The following DLG2 variants were observed in gnomAD, a reference collection of about 807,000 sequenced individuals.
The protein encoded by DLG2 is discs large MAGUK scaffold protein 2.
A neutral mutation model predicts 132.5 loss-of-function variants in DLG2; 45 were observed. The observed-to-expected ratio is 0.34, with a 90% CI of 0.27 to 0.44. The LOEUF is 0.44. Ranked by LOEUF, DLG2 falls within the 20% of genes least tolerant of loss-of-function variation. The pLI, the probability that DLG2 is intolerant of heterozygous loss-of-function variation, is 1.00. For missense variants in DLG2, 1,045 were observed against 1,196.9 expected, an observed-to-expected ratio of 0.87 and a Z score of 1.87; for synonymous variants, 424 against 419.6, an observed-to-expected ratio of 1.01 and a Z score of -0.13.
chr11:84,502,072 T>TTTCC (rs201070794), intron 7 of DLG2, among the ~76,000 whole-genome samples: 179 of 150,814 alleles, frequency 1.2e-3, no homozygotes, highest in South Asian at 3.8e-3. Flanking sequence ...TTCTTTTCTT[T>TTTCC]TTCCTTCCTT....
At chr11:84,011,483 A>T (rs188085509) in intron 11 of DLG2, among the ~76,000 whole-genome samples, 138 of 151,924 alleles carry the variant, frequency 9.1e-4, no homozygotes, top group Admixed American at 1.6e-3. Context: ...ATAAATAAAT[A>T]AATAAATTAA....
intron 6 of DLG2, among the ~76,000 whole-genome samples, chr11:84,610,343 ATTTTTTGCAAGATT>A (rs1179951634): frequency 3.3e-5 from 5 of 152,076 alleles, no homozygotes; most frequent in Admixed American, 6.6e-5. Flanking sequence ...TTTTTTAAAA[ATTTTTTGCAAGATT>A]TTTTTTGCCC....
At chr11:83,581,893 T>C (rs1178710372) in intron 19 of DLG2, among the ~76,000 whole-genome samples, 9 of 151,678 alleles carry the variant, frequency 5.9e-5, no homozygotes, top group African/African-American at 1.7e-4. Context: ...GGTTCCCATA[T>C]TTCCTTCTAC....
chr11:83,529,414 T>TCA (rs906003374), intron 21 of DLG2, among the ~76,000 whole-genome samples: 9 of 152,174 alleles, frequency 5.9e-5, no homozygotes, highest in Non-Finnish European at 7.4e-5. Context: ...ACGTATTTTC[T>TCA]CATAAAGATT....
chr11:84,035,900 C>A (rs1164544530), intron 11 of DLG2, among the ~76,000 whole-genome samples: 1 of 152,010 alleles, frequency 6.6e-6, no homozygotes, highest in South Asian at 2.1e-4. Flanking sequence ...AAAGAGAAAT[C>A]CGGGATGATT....
intron 6 of DLG2, among the ~76,000 whole-genome samples, chr11:84,641,728 G>A (rs1444496201): frequency 6.6e-6 from 1 of 152,044 alleles, no homozygotes; most frequent in African/African-American, 2.4e-5. Context: ...TAATCTTGCT[G>A]TGCATAATAA....
chr11:84,283,126 C>A (rs1430098688), intron 7 of DLG2, among the ~76,000 whole-genome samples: 1 of 152,138 alleles, frequency 6.6e-6, no homozygotes, highest in Non-Finnish European at 1.5e-5. Context: ...AGTTCAGAGC[C>A]TACATCATTG....
At chr11:85,466,049 A>G (rs1366387408) in intron 3 of DLG2, among the ~76,000 whole-genome samples, 1 of 152,130 alleles carries the variant, frequency 6.6e-6, no homozygotes, top group African/African-American at 2.4e-5. Context: ...CATTTCTCTG[A>G]TGGCCAGTGA....
intron 7 of DLG2, among the ~76,000 whole-genome samples, chr11:84,453,502 A>T (rs1270118944): frequency 1.3e-5 from 2 of 151,590 alleles, no homozygotes; most frequent in Non-Finnish European, 3.0e-5. Context: ...AGACCAGGTA[A>T]GGCCCAAAAG....
chr11:85,186,216 A>G (rs1264437979), intron 4 of DLG2, among the ~76,000 whole-genome samples: 1 of 152,040 alleles, frequency 6.6e-6, no homozygotes. Flanking sequence ...TAGCTGTATT[A>G]AAAAAGTAAA....
chr11:83,784,036 T>C (rs977710453), intron 18 of DLG2, among the ~76,000 whole-genome samples: 1 of 152,220 alleles, frequency 6.6e-6, no homozygotes, highest in South Asian at 2.1e-4. Flanking sequence ...TACTGACAGA[T>C]ACATTTAGGA....
chr11:83,551,380 G>A (rs191031381), intron 19 of DLG2, among the ~76,000 whole-genome samples: 4 of 152,188 alleles, frequency 2.6e-5, no homozygotes, highest in East Asian at 1.9e-4. Context: ...AAGCTAGTAC[G>A]GTCCCTAGCT....
chr11:85,281,109 A>G (rs2078195428), intron 4 of DLG2, among the ~76,000 whole-genome samples: 1 of 152,046 alleles, frequency 6.6e-6, no homozygotes, highest in Non-Finnish European at 1.5e-5. Flanking sequence ...ACATATGCTG[A>G]GGAAGTAAGA....
At chr11:85,038,831 A>C (rs1396855338) in intron 6 of DLG2, among the ~76,000 whole-genome samples, 1 of 152,026 alleles carries the variant, frequency 6.6e-6, no homozygotes, top group African/African-American at 2.4e-5. Context: ...ACATATGGTT[A>C]GAAGACAAAA....
intron 8 of DLG2, among the ~76,000 whole-genome samples, chr11:84,230,957 T>C (rs1360498857): frequency 1.3e-5 from 2 of 152,226 alleles, no homozygotes; most frequent in Non-Finnish European, 2.9e-5. Context: ...GTTCAGAGAA[T>C]GTAGCAAAGA....
At chr11:83,506,130 G>A (rs2094687328) in intron 21 of DLG2, among the ~76,000 whole-genome samples, 1 of 152,202 alleles carries the variant, frequency 6.6e-6, no homozygotes, top group Non-Finnish European at 1.5e-5. Context: ...AGGTCTCATG[G>A]CAACTGGATG....
chr11:85,195,648 C>A (rs1166733741), intron 4 of DLG2, among the ~76,000 whole-genome samples: 1 of 151,746 alleles, frequency 6.6e-6, no homozygotes, highest in African/African-American at 2.4e-5. Flanking sequence ...CTCAGCCTCC[C>A]GAGTAGCTGG....
intron 6 of DLG2, among the ~76,000 whole-genome samples, chr11:84,601,947 G>T (rs993677705): frequency 3.9e-5 from 6 of 151,902 alleles, no homozygotes; most frequent in African/African-American, 1.4e-4. Context: ...TTAACATTTG[G>T]GGTCTCAGTT....
chr11:84,168,826 TACACACACAC>T (rs145846743), intron 8 of DLG2, among the ~76,000 whole-genome samples: 1 of 147,994 alleles, frequency 6.8e-6, no homozygotes, highest in Admixed American at 6.7e-5. Flanking sequence ...CACACACACA[TACACACACAC>T]ACACACACAC....
Sources: gnomAD v4.1 joint callset for allele counts (sites outside exome capture counted in the v4.1 genomes callset) on GRCh38, gnomAD v4.1.1 for gene constraint, MANE v1.5 for transcripts, NCBI Gene and HGNC (gene_info 2026-07-23, HGNC 2026-07-21) for gene names.